The following ROS1 variants were observed in gnomAD, a reference collection of about 807,000 sequenced individuals.
ROS1 encodes the protein proto-oncogene tyrosine-protein kinase ROS.
In ROS1, 263 loss-of-function variants were observed where a neutral mutation model predicts 273.5. The observed-to-expected ratio is 0.96, with a 90% CI of 0.87 to 1.06. ROS1 has a LOEUF of 1.06. Among genes scored for constraint, ROS1 ranks in the 50% least tolerant of loss-of-function variants. The pLI is 0.00. For missense variants in ROS1, 2,833 were observed against 2,751.1 expected, an observed-to-expected ratio of 1.03 and a Z score of -0.67; for synonymous variants, 1,008 against 954.1, an observed-to-expected ratio of 1.06 and a Z score of -1.04.
rs148442289 is a variant in ROS1 at position 117,387,982 on chromosome 6, G to C, written c.1797C>G (p.Ala599=). The C allele has an allele frequency of 6.2e-7, 1 of 1,614,166 alleles. No homozygotes were observed. Reference sequence around the variant, plus strand: ...TCACCTCATAGGTCCAGTTCTGCCAGGCAGAAGGGCCTAATTCAAAGAGTT... The same window carrying C: ...TCACCTCATAGGTCCAGTTCTGCCACGCAGAAGGGCCTAATTCAAAGAGTT... ...PALAIGASPS[A]WQNWTYEVKV... Residue 599 remains alanine, a synonymous_variant, in exon 14 of 44, where the codon GCC becomes GCG. Coordinates refer to ENST00000368507, the MANE Select transcript of ROS1 (RefSeq NM_001378902.1).
At chr6:117,373,314 A>G (rs1384262932) in intron 18 of ROS1, among the ~76,000 whole-genome samples, 1 of 152,144 alleles carries the variant, frequency 6.6e-6, no homozygotes, top group Non-Finnish European at 1.5e-5. Context: ...TGGGCGGTCA[A>G]TGGGATCGGG....
At chr6:117,407,613 T>C (rs540251128) in intron 5 of ROS1, among the ~76,000 whole-genome samples, 74 of 152,326 alleles carry the variant, frequency 4.9e-4, no homozygotes, top group African/African-American at 1.7e-3. Flanking sequence ...AATATGCCTA[T>C]ACTTTCCAGT....
intron 12 of ROS1, 22 bp downstream of exon 12, chr6:117,393,202 T>A (rs751667590): frequency 1.5e-6 from 2 of 1,346,390 alleles, no homozygotes; most frequent in Admixed American, 1.7e-5. Flanking sequence ...AGAGAATTCA[T>A]CTTTACAAGG....
intron 2 of ROS1, among the ~76,000 whole-genome samples, chr6:117,417,290 T>C (rs1192471311): frequency 6.6e-6 from 1 of 152,086 alleles, no homozygotes; most frequent in African/African-American, 2.4e-5. Flanking sequence ...TTCTCCTGAG[T>C]TGTCCAAGCC....
At position 117,418,795 on chromosome 6, in the gene ROS1, T is replaced by C. The variant is rs550310310; in HGVS notation, c.124-289A>G. On this transcript the variant is annotated intron_variant, in intron 1 of 43. Coordinates refer to ENST00000368507, the MANE Select transcript of ROS1 (RefSeq NM_001378902.1). ...GCAGAATTAAATAATCCTGTGGCAT[T>C]GGTCAGTTAATCAAGTCAAAGGACT... Among the ~76,000 whole-genome samples the C allele has an allele frequency of 2.6e-5, 4 of 152,282 alleles. No individual in the cohort carries two copies. The South Asian group carries it at 8.3e-4, about 32-fold the overall frequency.
At chr6:117,364,358 A>T (rs1229975511) in intron 21 of ROS1, among the ~76,000 whole-genome samples, 1 of 152,222 alleles carries the variant, frequency 6.6e-6, no homozygotes, top group Non-Finnish European at 1.5e-5. Context: ...AAGTGACTGA[A>T]TGGAGATTTG....
At chr6:117,403,321 C>G (rs773424928) in intron 6 of ROS1, 44 bp from the exon 7 acceptor site, 2 of 1,587,478 alleles carry the variant, frequency 1.3e-6, no homozygotes, top group South Asian at 2.3e-5. Flanking sequence ...AGAATCAGCA[C>G]CCCACATTGG....
At chr6:117,416,475 G>T (rs1056461642) in intron 2 of ROS1, among the ~76,000 whole-genome samples, 158 bp from the exon 3 acceptor site, 28 of 152,184 alleles carry the variant, frequency 1.8e-4, no homozygotes, top group African/African-American at 6.0e-4. Context: ...CAGGATTTTG[G>T]GATTCCAAAC....
intron 42 of ROS1, among the ~76,000 whole-genome samples, chr6:117,307,898 T>G (rs1380574886): frequency 6.6e-6 from 1 of 152,142 alleles, no homozygotes; most frequent in Non-Finnish European, 1.5e-5. Flanking sequence ...CCACACAGTT[T>G]AGCACTTTAT....
At chr6:117,413,582 C>T (rs941725367) in intron 4 of ROS1, among the ~76,000 whole-genome samples, 7 of 152,028 alleles carry the variant, frequency 4.6e-5, no homozygotes, top group African/African-American at 1.7e-4. Flanking sequence ...CTTAGAGCAC[C>T]GTAAGGACAC....
intron 1 of ROS1, among the ~76,000 whole-genome samples, chr6:117,421,824 T>A (rs1383143119): frequency 6.6e-6 from 1 of 152,184 alleles, no homozygotes; most frequent in Non-Finnish European, 1.5e-5. Flanking sequence ...TATACTGTTG[T>A]CATAACAGTT....
chr6:117,394,736 G>A lies in ROS1; in HGVS notation c.886C>T (p.Gln296Ter). The A allele has an allele frequency of 1.2e-6, 2 of 1,603,698 alleles. No individual in the cohort carries two copies. The highest frequency in any genetic ancestry group is 1.7e-6 in the Non-Finnish European group (2 of 1,176,122). The change falls in exon 10 of 44, where the codon CAA (glutamine) becomes TAA (stop). Residue 296 changes from glutamine (Q) to a stop codon, truncating the protein, a stop_gained and splice_region_variant. Transcript: ENST00000368507. LOFTEE classifies it high-confidence loss of function. ...AAAAAGAGCCACTGTTCCTCTTGTT[G>A]AACTGAAAAAAACAACACAATTTGC... ...SSITTSSSAV[Q>*]QEEQWLFLSR...
intron 1 of ROS1, 121 bp downstream of exon 1, chr6:117,425,413 G>T: frequency 1.1e-6 from 1 of 946,192 alleles, no homozygotes; most frequent in Non-Finnish European, 1.5e-6. Flanking sequence ...ATCTTGCCTT[G>T]TTGCCACCAC....
Position 117,390,857 on chromosome 6 carries a change from T to C in ROS1, c.1290-1011A>G, listed in dbSNP as rs541301973. ...GTAACGAGGCAGGTTATTTTAATAA[T>C]GAAAAAGAAAACATACTGCCAAAAT... is the stretch of plus-strand genomic sequence containing the variant. On this transcript the variant is annotated intron_variant, in intron 12 of 43. Coordinates refer to ENST00000368507, the MANE Select transcript of ROS1 (RefSeq NM_001378902.1). Among the ~76,000 whole-genome samples, 9 of 152,258 alleles carry C rather than the reference T, an allele frequency of 5.9e-5. No individual in the cohort carries two copies. The South Asian group carries it at 1.0e-3, about 18-fold the overall frequency.
rs751294687 is a variant in ROS1 at position 117,362,832 on chromosome 6, A to G, written c.3137T>C (p.Ile1046Thr). Residue 1046 changes from isoleucine (I) to threonine (T), a missense_variant, in exon 22 of 44, where the codon ATA becomes ACA. By Grantham distance (89) the Ile-to-Thr change is moderately conservative. Coordinates refer to ENST00000368507, the MANE Select transcript of ROS1 (RefSeq NM_001378902.1). Reference protein sequence around the residue: ...PSAPENPRIFILPSGKCCNKN... With the variant: ...PSAPENPRIFTLPSGKCCNKN... ...GTTGCAGCATTTTCCACTTGGTAAT[A>G]TAAATATTCTGGGGTTCTCTGGTGC... 6.2e-6 allele frequency: 10 copies of G among 1,613,370 alleles called. No homozygotes were observed. Among genetic ancestry groups the G allele is most frequent in the Non-Finnish European group, 8.5e-7 (1 of 1,179,652 alleles).
intron 17 of ROS1, among the ~76,000 whole-genome samples, chr6:117,382,476 G>T (rs866970733): frequency 8.5e-5 from 13 of 152,148 alleles, no homozygotes; most frequent in Middle Eastern, 6.9e-3. Flanking sequence ...AATCTTAAGG[G>T]ATATATTAGG....
intron 27 of ROS1, among the ~76,000 whole-genome samples, chr6:117,347,541 AGTATACCTTTTCTTGTATT>A (rs1168244063): frequency 1.8e-4 from 28 of 152,074 alleles, no homozygotes; most frequent in South Asian, 2.1e-4. Context: ...ATTCCCAATC[AGTATACCTTTTCTTGTATT>A]GTATACCTTT....
intron 3 of ROS1, among the ~76,000 whole-genome samples, chr6:117,415,686 G>A (rs1775281975): frequency 6.6e-6 from 1 of 152,166 alleles, no homozygotes; most frequent in African/African-American, 2.4e-5. Flanking sequence ...AAGTATCTGG[G>A]GATGTATTTC....
chr6:117,394,796 C>A, intron 9 of ROS1, 58 bp from the exon 10 acceptor site: 1 of 1,484,060 alleles, frequency 6.7e-7, no homozygotes, highest in Non-Finnish European at 9.0e-7. Flanking sequence ...CACTAACAGA[C>A]ACAAAAAAGA....
Sources: gnomAD v4.1 joint callset for allele counts (sites outside exome capture counted in the v4.1 genomes callset) on GRCh38, gnomAD v4.1.1 for gene constraint, MANE v1.5 for transcripts, NCBI Gene and HGNC (gene_info 2026-07-23, HGNC 2026-07-21) for gene names.